The following NRXN1 variants were observed in gnomAD, a reference collection of about 807,000 sequenced individuals.
NRXN1 encodes neurexin-1.
A neutral mutation model predicts 150.9 loss-of-function variants in NRXN1; 39 were observed. The ratio of observed to expected loss-of-function variants is 0.26; its 90% CI spans 0.20 to 0.34. NRXN1 has a LOEUF of 0.34. Among genes scored for constraint, NRXN1 ranks in the 10% least tolerant of loss-of-function variants. The pLI is 1.00. For synonymous variants in NRXN1, 924 were observed against 757.0 expected (o/e 1.22, Z -3.62); for missense variants, 1,815 against 1,949.9 (o/e 0.93, Z 1.30).
intron 17 of NRXN1, among the ~76,000 whole-genome samples, chr2:50,394,297 T>A (rs1485199892): frequency 6.6e-6 from 1 of 152,086 alleles, no homozygotes; most frequent in East Asian, 1.9e-4. Flanking sequence ...TACTTGGATG[T>A]CCACTAGGTA....
chr2:50,506,309 T>C (rs1273081965), intron 13 of NRXN1, among the ~76,000 whole-genome samples, 186 bp downstream of exon 13: 1 of 152,132 alleles, frequency 6.6e-6, no homozygotes, highest in Non-Finnish European at 1.5e-5. Flanking sequence ...AAATGTGTCA[T>C]TTTTGAGGAA....
chr2:50,907,117 A>C (rs1200813801), intron 5 of NRXN1, among the ~76,000 whole-genome samples: 4 of 151,222 alleles, frequency 2.6e-5, no homozygotes, highest in Admixed American at 6.6e-5. Flanking sequence ...TCCCTTGAAG[A>C]CTCTCATTGC....
At chr2:50,733,737 G>A (rs1013697350) in intron 5 of NRXN1, among the ~76,000 whole-genome samples, 12 of 152,072 alleles carry the variant, frequency 7.9e-5, no homozygotes, top group Non-Finnish European at 1.5e-4. Context: ...AATAATGGTC[G>A]ACCATTGAAA....
intron 12 of NRXN1, among the ~76,000 whole-genome samples, chr2:50,508,467 ACT>A (rs536839426): frequency 8.5e-4 from 130 of 152,192 alleles, no homozygotes; most frequent in Admixed American, 2.1e-3. Flanking sequence ...GTGTTTAATA[ACT>A]CTGCAGCATC....
intron 18 of NRXN1, among the ~76,000 whole-genome samples, chr2:50,107,779 A>C (rs1447318330): frequency 6.6e-6 from 1 of 151,918 alleles, no homozygotes; most frequent in Non-Finnish European, 1.5e-5. Flanking sequence ...AATACTAATA[A>C]GTTCTAATTA....
intron 17 of NRXN1, among the ~76,000 whole-genome samples, chr2:50,279,116 C>T (rs1008914744): frequency 6.6e-6 from 1 of 152,150 alleles, no homozygotes; most frequent in East Asian, 1.9e-4. Context: ...AACCACTCTT[C>T]AAATCATTGG....
intron 21 of NRXN1, among the ~76,000 whole-genome samples, chr2:50,042,408 T>C (rs1171990435): frequency 1.3e-5 from 2 of 152,182 alleles, no homozygotes; most frequent in Admixed American, 6.5e-5. Context: ...TCTGCCACCA[T>C]GTGAAGAAGC....
At chr2:50,702,922 G>A (rs1693953026) in intron 5 of NRXN1, among the ~76,000 whole-genome samples, 1 of 152,004 alleles carries the variant, frequency 6.6e-6, no homozygotes, top group South Asian at 2.1e-4. Flanking sequence ...CTATCAGGAT[G>A]CCCTTTTTGT....
Position 49,943,787 on chromosome 2 carries a change from G to A in NRXN1, c.4133C>T (p.Thr1378Ile). 1 of 1,608,764 alleles carries A rather than the reference G, an allele frequency of 6.2e-7. No homozygotes were observed. The part of the protein sequence containing the change: ...PPTKEPISQT[T>I]DDILVASAEC... ...TGCTGAGGCCACAAGGATGTCATCTGTGGTCTGCAAAAGAATCACATTCAG... is the reference window on the plus strand; with the variant it reads ...TGCTGAGGCCACAAGGATGTCATCTATGGTCTGCAAAAGAATCACATTCAG... Residue 1378 changes from threonine to isoleucine, a missense_variant, in exon 22 of 23, where the codon ACA becomes ATA. This residue lies in a region of NRXN1 where 265 missense variants were observed against 307.1 expected (regional missense o/e 0.86). Transcript: ENST00000401669.
chr2:50,499,624 A>C (rs1380455193), intron 13 of NRXN1, among the ~76,000 whole-genome samples: 1 of 152,174 alleles, frequency 6.6e-6, no homozygotes, highest in South Asian at 2.1e-4. Context: ...ACATTGAATT[A>C]AGAAGCTAAG....
chr2:50,522,034 G>C (rs930483178), intron 12 of NRXN1, among the ~76,000 whole-genome samples: 32 of 152,056 alleles, frequency 2.1e-4, no homozygotes, highest in African/African-American at 7.5e-4. Flanking sequence ...CAGAAAGAAA[G>C]AGAGAGAGCA....
intron 21 of NRXN1, among the ~76,000 whole-genome samples, chr2:50,005,290 A>G (rs1241441150): frequency 6.6e-6 from 1 of 152,172 alleles, no homozygotes; most frequent in Non-Finnish European, 1.5e-5. Context: ...CGACAAAGAT[A>G]TGGTATACTA....
At chr2:50,403,771 G>C (rs762552217) in intron 17 of NRXN1, among the ~76,000 whole-genome samples, 1 of 151,952 alleles carries the variant, frequency 6.6e-6, no homozygotes, top group African/African-American at 2.4e-5. Context: ...TAGTATCTGT[G>C]TTGATAAGAA....
chr2:50,686,202 G>C (rs1242412363), intron 5 of NRXN1, among the ~76,000 whole-genome samples: 1 of 151,932 alleles, frequency 6.6e-6, no homozygotes, highest in Non-Finnish European at 1.5e-5. Flanking sequence ...ATTTAAGTTG[G>C]CTTTTAGAAA....
At chr2:50,416,697 G>A (rs1460867249) in intron 17 of NRXN1, among the ~76,000 whole-genome samples, 1 of 151,984 alleles carries the variant, frequency 6.6e-6, no homozygotes, top group African/African-American at 2.4e-5. Flanking sequence ...TTCTTCACAT[G>A]ATGGCAGGAA....
chr2:50,388,206 C>CAG (rs1165198361), intron 17 of NRXN1, among the ~76,000 whole-genome samples: 2 of 152,122 alleles, frequency 1.3e-5, no homozygotes, highest in Non-Finnish European at 2.9e-5. Context: ...ATTCATAATA[C>CAG]AGTGAAGTAA....
chr2:50,274,501 G>A (rs986128284), intron 17 of NRXN1, among the ~76,000 whole-genome samples: 2 of 152,030 alleles, frequency 1.3e-5, no homozygotes, highest in East Asian at 3.9e-4. Context: ...ACCATGGCAC[G>A]TGTATACCTA....
intron 18 of NRXN1, among the ~76,000 whole-genome samples, chr2:50,143,010 T>C (rs558853031): frequency 8.6e-5 from 13 of 151,968 alleles, no homozygotes; most frequent in Admixed American, 2.6e-4. Context: ...TGACAAAATA[T>C]ATGTTTTATT....
chr2:49,968,782 A>T (rs1677410399), intron 21 of NRXN1, among the ~76,000 whole-genome samples: 1 of 152,128 alleles, frequency 6.6e-6, no homozygotes, highest in Non-Finnish European at 1.5e-5. Flanking sequence ...CAAGACAATG[A>T]GCAAATATAT....
Sources: allele counts gnomAD v4.1 joint callset (sites outside exome capture counted in the v4.1 genomes callset), GRCh38; gene constraint gnomAD v4.1.1; regional missense constraint gnomAD v4.1.1; transcripts MANE v1.5; gene names NCBI Gene and HGNC (gene_info 2026-07-23, HGNC 2026-07-21).